Variants in SEC14L5 observed in about 807,000 individuals in gnomAD.
SEC14L5 encodes the protein SEC14 like lipid binding 5.
Under a neutral mutation model 84.6 loss-of-function variants are expected in SEC14L5, and 96 were observed. The observed-to-expected ratio is 1.13, with a 90% CI of 0.96 to 1.34. The LOEUF (loss-of-function observed/expected upper bound fraction) is 1.34. Among genes scored for constraint, SEC14L5 ranks in the 40% most tolerant of loss-of-function variants. The probability of loss-of-function intolerance (pLI) is 0.00; values close to 1 mark genes in which losing one functional copy is unlikely to be tolerated. For missense variants in SEC14L5, 1,224 were observed against 942.5 expected (o/e 1.30, Z -3.91); for synonymous variants, 546 against 383.4 (o/e 1.42, Z -4.95).
intron 6 of SEC14L5, among the ~76,000 whole-genome samples, chr16:4,995,296 G>T (rs530728560): frequency 6.6e-6 from 1 of 152,200 alleles, no homozygotes; most frequent in Non-Finnish European, 1.5e-5. Context: ...GGCTAAGAGT[G>T]GGGGAACAGG....
chr16:5,015,327 C>A lies in SEC14L5; in HGVS notation c.*357C>A. On this transcript the variant is annotated 3_prime_UTR_variant, in exon 16 of 16. Transcript: ENST00000251170. ...GCTCTGCTTTCGCCATGCAGGGGAC[C>A]ATCACTATCAGGTGCCCTTCTCCTC... 1 of 228,902 alleles carries A rather than the reference C, an allele frequency of 4.4e-6. No homozygotes were observed. Among genetic ancestry groups the A allele is most frequent in the East Asian group, 9.4e-5 (1 of 10,624 alleles). 14.2% of individuals were successfully genotyped at this position (228,902 alleles called of 1,614,324 possible). A position where few individuals can be genotyped will look rare whatever the true frequency, so the allele number is the denominator to read the frequency against.
chr16:4,997,808 G>A (rs2142514421), intron 8 of SEC14L5, among the ~76,000 whole-genome samples: 1 of 152,184 alleles, frequency 6.6e-6, no homozygotes, highest in African/African-American at 2.4e-5. Flanking sequence ...GGACCCAGGT[G>A]TTCCTTGGCT....
At chr16:4,990,127 G>GATA (rs1955537117) in intron 4 of SEC14L5, among the ~76,000 whole-genome samples, 1 of 150,976 alleles carries the variant, frequency 6.6e-6, no homozygotes, top group East Asian at 1.9e-4. Flanking sequence ...TTTATTTATA[G>GATA]ATTATATAAA....
intron 2 of SEC14L5, among the ~76,000 whole-genome samples, chr16:4,983,521 AAATT>A (rs1204498723): frequency 4.5e-4 from 67 of 150,008 alleles, no homozygotes; most frequent in African/African-American, 1.6e-3. Context: ...CACACTATAT[AAATT>A]GTGTATATTT....
intron 2 of SEC14L5, among the ~76,000 whole-genome samples, chr16:4,981,310 C>T (rs970432505): frequency 3.2e-5 from 4 of 123,592 alleles, no homozygotes; most frequent in African/African-American, 1.2e-4. Context: ...TGGGGTTTCA[C>T]CATATTGGCC....
rs564741964 is a variant in SEC14L5 at position 4,987,461 on chromosome 16, G to A, written c.64-96G>A. The A allele has an allele frequency of 1.6e-5, 17 of 1,096,286 alleles. No individual in the cohort carries two copies. In the South Asian group the frequency reaches 2.1e-4, roughly 13 times the overall value. The allele number at this position is 1,096,286 out of a possible 1,614,324, so 67.9% of individuals were successfully genotyped here. A position where few individuals can be genotyped will look rare whatever the true frequency, so the allele number is the denominator to read the frequency against. Reference sequence around the variant, plus strand: ...TCCAGTGGCCAGGGCTGCCTTTCCCGTCTGATAAGTGACACAGCAGATAAG... The same window carrying A: ...TCCAGTGGCCAGGGCTGCCTTTCCCATCTGATAAGTGACACAGCAGATAAG... On this transcript the variant is annotated intron_variant, in intron 2 of 15. Transcript: ENST00000251170.
chr16:4,971,754 T>A (rs77167519), intron 2 of SEC14L5, among the ~76,000 whole-genome samples: 1,941 of 152,276 alleles, frequency 0.013, 41 homozygotes, highest in African/African-American at 0.044. Flanking sequence ...CCCAGGGATA[T>A]ATAGAAAGAT....
intron 10 of SEC14L5, among the ~76,000 whole-genome samples, chr16:5,002,521 G>C (rs1280568643): frequency 1.3e-5 from 2 of 151,970 alleles, no homozygotes; most frequent in African/African-American, 2.4e-5. Context: ...GGTCTCTAGA[G>C]ATTTTCTAAG....
At chr16:5,001,756 T>G (rs1012953446) in intron 10 of SEC14L5, among the ~76,000 whole-genome samples, 1 of 151,998 alleles carries the variant, frequency 6.6e-6, no homozygotes, top group Non-Finnish European at 1.5e-5. Flanking sequence ...GAGCAGCAGC[T>G]TCCTCTTCTG....
intron 2 of SEC14L5, among the ~76,000 whole-genome samples, chr16:4,977,594 A>G (rs1472659296): frequency 6.6e-6 from 1 of 151,974 alleles, no homozygotes; most frequent in Admixed American, 6.6e-5. Flanking sequence ...GAGCTCATGT[A>G]TATGTAAATC....
intron 15 of SEC14L5, among the ~76,000 whole-genome samples, chr16:5,012,086 G>A (rs774552386): frequency 2.0e-5 from 3 of 152,202 alleles, no homozygotes; most frequent in Non-Finnish European, 2.9e-5. Context: ...GGAGCTCCAA[G>A]GATCCCAGGA....
intron 2 of SEC14L5, among the ~76,000 whole-genome samples, chr16:4,961,700 T>C (rs1220588065): frequency 1.3e-5 from 2 of 152,198 alleles, no homozygotes; most frequent in Non-Finnish European, 2.9e-5. Flanking sequence ...TGTAAATATT[T>C]TCAGAACCCT....
intron 8 of SEC14L5, among the ~76,000 whole-genome samples, chr16:5,000,391 GC>G (rs1025948797): frequency 6.6e-6 from 1 of 152,328 alleles, no homozygotes; most frequent in African/African-American, 2.4e-5. Flanking sequence ...TCCTGCCTCT[GC>G]CCCCCAAAAT....
intron 4 of SEC14L5, 29 bp from the exon 5 acceptor site, chr16:4,990,738 C>T (rs1955543734): frequency 6.3e-7 from 1 of 1,589,144 alleles, no homozygotes; most frequent in African/African-American, 1.4e-5. Context: ...GACATTGAGT[C>T]CCTGGCATGA....
At position 5,000,770 on chromosome 16, in the gene SEC14L5, G is replaced by A. The variant is rs902501950; in HGVS notation, c.1059+27G>A. On this transcript the variant is annotated intron_variant, in intron 9 of 15. Transcript: ENST00000251170. ...TGAGTCAGGGGCCTCGTTCCTGGACGCCGTGCCTGGGGCCGGGCCTGGGAA... is the reference window on the plus strand; with the variant it reads ...TGAGTCAGGGGCCTCGTTCCTGGACACCGTGCCTGGGGCCGGGCCTGGGAA... 7 of 1,553,880 alleles carry A rather than the reference G, an allele frequency of 4.5e-6. No homozygotes were observed. The East Asian group carries it at 9.7e-5, about 21-fold the overall frequency.
chr16:4,965,019 C>G (rs569924295), intron 2 of SEC14L5, among the ~76,000 whole-genome samples: 1 of 152,296 alleles, frequency 6.6e-6, no homozygotes, highest in South Asian at 2.1e-4. Flanking sequence ...GTGTGAGCCA[C>G]TGTGCCCAGC....
At chr16:4,987,026 C>G (rs1955495304) in intron 2 of SEC14L5, among the ~76,000 whole-genome samples, 1 of 152,018 alleles carries the variant, frequency 6.6e-6, no homozygotes, top group African/African-American at 2.4e-5. Flanking sequence ...GCTTTTATTT[C>G]TTTTACTTAT....
chr16:5,010,667 G>C (rs551172207), intron 14 of SEC14L5, among the ~76,000 whole-genome samples: 2 of 152,226 alleles, frequency 1.3e-5, no homozygotes, highest in South Asian at 4.2e-4. Flanking sequence ...GGCTCTTCTT[G>C]TAAAAACAAA....
intron 2 of SEC14L5, among the ~76,000 whole-genome samples, chr16:4,959,972 C>G (rs1596608848): frequency 6.6e-6 from 1 of 152,276 alleles, no homozygotes; most frequent in East Asian, 1.9e-4. Context: ...AGACCCCCTT[C>G]CCTCCCCTTT....
Sources: allele counts gnomAD v4.1 joint callset (sites outside exome capture counted in the v4.1 genomes callset), GRCh38; gene constraint gnomAD v4.1.1; transcripts MANE v1.5; gene names NCBI Gene and HGNC (gene_info 2026-07-23, HGNC 2026-07-21).